Variants in EYA4 observed in about 807,000 individuals in gnomAD.
The protein encoded by EYA4 is EYA transcriptional coactivator and phosphatase 4, also known as protein phosphatase EYA4.
Under a neutral mutation model 87.9 loss-of-function variants are expected in EYA4, and 31 were observed. The ratio of observed to expected loss-of-function variants is 0.35; its 90% CI spans 0.27 to 0.48. EYA4 has a LOEUF of 0.48. Among genes scored for constraint, EYA4 ranks in the 20% least tolerant of loss-of-function variants. The pLI, the probability that EYA4 is intolerant of heterozygous loss-of-function variation, is 0.99. For synonymous variants in EYA4, 263 were observed against 270.6 expected (o/e 0.97, Z 0.28); for missense variants, 678 against 761.4 (o/e 0.89, Z 1.29).
chr6:133,497,525 G>C (rs180973512), intron 13 of EYA4, among the ~76,000 whole-genome samples: 5 of 152,088 alleles, frequency 3.3e-5, no homozygotes, highest in African/African-American at 1.2e-4. Context: ...GCTGCTATGA[G>C]GCTGGTGATG....
At position 133,499,589 on chromosome 6, in the gene EYA4, T is replaced by G. The variant is rs563874600; in HGVS notation, c.1192-6517T>G. Among the ~76,000 whole-genome samples the G allele has an allele frequency of 5.3e-5, 8 of 152,334 alleles. No individual in the cohort carries two copies. The South Asian group carries it at 1.7e-3, about 32-fold the overall frequency. ...AACTACTGTTCAACTGCAAATATGT[T>G]GCTTACACTGAACACTTGAATTGTG... On this transcript the variant is annotated intron_variant, in intron 13 of 19. Coordinates refer to ENST00000355286, the MANE Select transcript of EYA4 (RefSeq NM_004100.5).
At chr6:133,378,094 T>C (rs932142891) in intron 2 of EYA4, among the ~76,000 whole-genome samples, 2 of 152,090 alleles carry the variant, frequency 1.3e-5, no homozygotes, top group Admixed American at 1.3e-4. Flanking sequence ...TCAAGTTGTA[T>C]ACATTAAATA....
At chr6:133,338,854 T>C (rs1782574766) in intron 2 of EYA4, among the ~76,000 whole-genome samples, 1 of 152,114 alleles carries the variant, frequency 6.6e-6, no homozygotes, top group East Asian at 1.9e-4. Flanking sequence ...TGCTTCTTTT[T>C]TTTTTTTGTC....
chr6:133,347,198 A>G (rs1783263884), intron 2 of EYA4, among the ~76,000 whole-genome samples: 2 of 152,174 alleles, frequency 1.3e-5, no homozygotes, highest in South Asian at 4.1e-4. Context: ...TTTCATATCT[A>G]AATTCACATG....
intron 2 of EYA4, among the ~76,000 whole-genome samples, chr6:133,349,487 T>C (rs1462405229): frequency 6.6e-6 from 1 of 152,222 alleles, no homozygotes; most frequent in Non-Finnish European, 1.5e-5. Flanking sequence ...TATGAATAAA[T>C]GAATGAAAGA....
At chr6:133,500,787 C>A (rs114251445) in intron 13 of EYA4, among the ~76,000 whole-genome samples, 1 of 152,132 alleles carries the variant, frequency 6.6e-6, no homozygotes, top group Non-Finnish European at 1.5e-5. Context: ...CCATCACCAT[C>A]GTATCTGCTG....
intron 3 of EYA4, among the ~76,000 whole-genome samples, chr6:133,440,533 T>C (rs1792171582): frequency 6.6e-6 from 1 of 152,116 alleles, no homozygotes; most frequent in Non-Finnish European, 1.5e-5. Context: ...CAGAGGAAGG[T>C]AAAAATAATA....
At chr6:133,451,710 G>A (rs960029913) in intron 5 of EYA4, among the ~76,000 whole-genome samples, 1 of 152,158 alleles carries the variant, frequency 6.6e-6, no homozygotes, top group Non-Finnish European at 1.5e-5. Context: ...TATGTTCAAG[G>A]TGGATGAACA....
chr6:133,376,377 T>C (rs761091532), intron 2 of EYA4, among the ~76,000 whole-genome samples: 7 of 151,894 alleles, frequency 4.6e-5, no homozygotes, highest in Admixed American at 2.0e-4. Flanking sequence ...AATCCACCTT[T>C]TGTTTTCAGT....
At chr6:133,391,216 G>T (rs1045481217) in intron 3 of EYA4, among the ~76,000 whole-genome samples, 152 of 68,940 alleles carry the variant, frequency 2.2e-3, no homozygotes, top group Admixed American at 3.1e-3. Flanking sequence ...TTTGGGTTTT[G>T]TTTTTGTTTT....
chr6:133,243,136 G>C (rs531679261), intron 1 of EYA4, among the ~76,000 whole-genome samples: 1 of 129,132 alleles, frequency 7.7e-6, no homozygotes, highest in East Asian at 2.6e-4. Context: ...CTTGATCTGT[G>C]AGGAGGTAAC....
At chr6:133,485,341 G>A (rs917530459) in intron 13 of EYA4, among the ~76,000 whole-genome samples, 20 of 152,278 alleles carry the variant, frequency 1.3e-4, no homozygotes, top group Admixed American at 5.2e-4. Flanking sequence ...GGGGCAAAGC[G>A]AGGGGAAGAA....
intron 18 of EYA4, 145 bp downstream of exon 18, chr6:133,523,322 A>C: frequency 1.2e-6 from 1 of 803,808 alleles, no homozygotes; most frequent in Non-Finnish European, 2.1e-6. Flanking sequence ...CTCATTGTAC[A>C]TGTATGAATT....
intron 2 of EYA4, among the ~76,000 whole-genome samples, chr6:133,331,881 T>C (rs149394123): frequency 2.0e-5 from 3 of 152,350 alleles, no homozygotes; most frequent in East Asian, 1.9e-4. Flanking sequence ...AAATAGGTAA[T>C]GCAGTCACAT....
chr6:133,468,412 A>G (rs1002894819), intron 10 of EYA4, among the ~76,000 whole-genome samples, 154 bp from the exon 11 acceptor site: 5 of 152,074 alleles, frequency 3.3e-5, no homozygotes, highest in African/African-American at 1.2e-4. Flanking sequence ...CCCACAAAGT[A>G]GTCTCTGCTC....
At chr6:133,464,611 C>G (rs1794686734) in intron 9 of EYA4, among the ~76,000 whole-genome samples, 168 bp from the exon 10 acceptor site, 1 of 152,148 alleles carries the variant, frequency 6.6e-6, no homozygotes, top group South Asian at 2.1e-4. Context: ...CCAGCTGTTA[C>G]AAGAGGGAGA....
intron 1 of EYA4, chr6:133,247,616 GT>G (rs1774517458): frequency 6.6e-6 from 1 of 152,182 alleles, no homozygotes; most frequent in Non-Finnish European, 1.5e-5. Context: ...TTAATAACCT[GT>G]TTTACAATTT....
chr6:133,316,945 A>C (rs1276590856), intron 2 of EYA4, among the ~76,000 whole-genome samples: 4 of 152,130 alleles, frequency 2.6e-5, no homozygotes, highest in Admixed American at 6.6e-5. Context: ...TTAGCATAGA[A>C]GCCTTCCTTC....
At chr6:133,271,806 G>A (rs1407109659) in intron 1 of EYA4, among the ~76,000 whole-genome samples, 1 of 152,182 alleles carries the variant, frequency 6.6e-6, no homozygotes, top group Non-Finnish European at 1.5e-5. Context: ...AAGAGGCTGA[G>A]TGGTGTCCAC....
Sources: allele counts gnomAD v4.1 joint callset (sites outside exome capture counted in the v4.1 genomes callset), GRCh38; gene constraint gnomAD v4.1.1; transcripts MANE v1.5; gene names NCBI Gene and HGNC (gene_info 2026-07-23, HGNC 2026-07-21).